LRRN1: variants seen among roughly 807,000 people sequenced by gnomAD.
LRRN1 encodes the protein leucine-rich repeat neuronal protein 1.
A neutral mutation model predicts 45.8 loss-of-function variants in LRRN1; 14 were observed. The ratio of observed to expected loss-of-function variants is 0.31; its 90% CI spans 0.20 to 0.48. The LOEUF (loss-of-function observed/expected upper bound fraction) is 0.48, where lower values mean the gene tolerates loss of function less well. Ranked by LOEUF, LRRN1 falls within the 20% of genes least tolerant of loss-of-function variation. The pLI, the probability that LRRN1 is intolerant of heterozygous loss-of-function variation, is 0.99. For synonymous variants in LRRN1, 359 were observed against 330.1 expected (o/e 1.09, Z -0.95); for missense variants, 789 against 874.2 (o/e 0.90, Z 1.23).
chr3:3,799,534 C>A lies in LRRN1; in HGVS notation c.-664C>A, dbSNP rs1257653320. The stretch of plus-strand genomic sequence containing the variant: ...GCGCCCGCCTGGCGGGGAGAGGGGC[C>A]GACGGCGTCAGCCCGGGCGGCGGCA... On this transcript the variant is annotated 5_prime_UTR_variant, in exon 1 of 2. Coordinates refer to ENST00000319331, the MANE Select transcript of LRRN1 (RefSeq NM_020873.7). 6.6e-6 allele frequency: 1 copy of A among 151,952 alleles called. No individual in the cohort carries two copies. Among genetic ancestry groups the A allele is most frequent in the East Asian group, 1.9e-4 (1 of 5,156 alleles). 9.4% of individuals were successfully genotyped at this position (151,952 alleles called of 1,614,324 possible).
In LRRN1 at chr3:3,826,475, G is replaced by C. The variant is rs573491240; in HGVS notation, c.-278-17889G>C. On this transcript the variant is annotated intron_variant, in intron 1 of 1. Coordinates refer to ENST00000319331, the MANE Select transcript of LRRN1 (RefSeq NM_020873.7). ...GGCGAACATCCTTGTTCTGTTGCCT[G>C]GCCTATTGAGATGTGTGGCCGCCCT... is the stretch of plus-strand genomic sequence containing the variant. Among the ~76,000 whole-genome samples, 49 of 152,214 alleles carry C rather than the reference G, an allele frequency of 3.2e-4. 2 individuals are homozygous for C. Among genetic ancestry groups the C allele is most frequent in the Admixed American group, 4.6e-4 (7 of 15,286 alleles).
rs147214946 is a variant in LRRN1, at chr3:3,844,045, T to TTG, written c.-278-304_-278-303dup. Among the ~76,000 whole-genome samples the TTG allele has an allele frequency of 5.2e-3, 783 of 151,200 alleles. 3 individuals are homozygous for TTG. The highest frequency in any genetic ancestry group is 9.5e-3 in the Non-Finnish European group (643 of 67,638). On this transcript the variant is annotated intron_variant, in intron 1 of 1. Transcript: ENST00000319331. ...ATTAAGTATGTATGAGTGTGTGCAT[T>TTG]TGTGTGTGTGTGTGTGCATGTTTAG...
intron 1 of LRRN1, among the ~76,000 whole-genome samples, chr3:3,818,464 C>T (rs529770076): frequency 6.6e-6 from 1 of 152,220 alleles, no homozygotes; most frequent in South Asian, 2.1e-4. Flanking sequence ...GTTAAATTGC[C>T]ACTTTCATGA....
intron 1 of LRRN1, among the ~76,000 whole-genome samples, chr3:3,802,638 C>T (rs920474042): frequency 6.6e-6 from 1 of 152,088 alleles, no homozygotes; most frequent in Admixed American, 6.6e-5. Flanking sequence ...TGAATTGAAT[C>T]AAATTTAAGT....
In LRRN1 at chr3:3,845,648, T is replaced by C. The variant is rs749158681; in HGVS notation, c.1007T>C (p.Val336Ala). ...ATCCACCGCTTGGCTTTCCGAAGTG[T>C]CCCTGCTCTGGAAAGCTTGATGCTG... ...SYIHRLAFRS[V>A]PALESLMLNN... Residue 336 changes from valine (V) to alanine (A), a missense_variant, in exon 2 of 2, where the codon GTC (valine) becomes GCC (alanine). Val to Ala is a moderately conservative substitution (Grantham distance 64). Coordinates refer to ENST00000319331, the MANE Select transcript of LRRN1 (RefSeq NM_020873.7). This position sits in a 1 kb window ranked among gnomAD's most constrained non-coding sequence, Gnocchi z 6.5. 1 of 1,614,034 alleles carries C rather than the reference T, an allele frequency of 6.2e-7. No individual in the cohort carries two copies. Among genetic ancestry groups the C allele is most frequent in the African/African-American group, 1.3e-5 (1 of 75,014 alleles).
chr3:3,842,011 A>G (rs1575302065), intron 1 of LRRN1, among the ~76,000 whole-genome samples: 1 of 152,282 alleles, frequency 6.6e-6, no homozygotes, highest in East Asian at 1.9e-4. Flanking sequence ...TATGTAGCCT[A>G]TATGATATAT....
At chr3:3,810,303 C>G (rs1309164467) in intron 1 of LRRN1, among the ~76,000 whole-genome samples, 1 of 152,058 alleles carries the variant, frequency 6.6e-6, no homozygotes, top group East Asian at 1.9e-4. Context: ...CAAACAAACC[C>G]AAAAGCTTCA....
intron 1 of LRRN1, among the ~76,000 whole-genome samples, chr3:3,812,164 G>A (rs538245234): frequency 6.6e-6 from 1 of 152,336 alleles, no homozygotes; most frequent in South Asian, 2.1e-4. Flanking sequence ...GAGCAAAACA[G>A]ATGATGTGTG....
chr3:3,813,806 C>G (rs1443074264), intron 1 of LRRN1, among the ~76,000 whole-genome samples: 2 of 152,016 alleles, frequency 1.3e-5, no homozygotes, highest in African/African-American at 2.4e-5. Context: ...GGAACGAAGC[C>G]CCTGCCTATT....
chr3:3,802,762 C>T (rs1268843549), intron 1 of LRRN1, among the ~76,000 whole-genome samples: 1 of 152,204 alleles, frequency 6.6e-6, no homozygotes, highest in South Asian at 2.1e-4. Flanking sequence ...TGATGTCTTC[C>T]TGATAGAGTT....
intron 1 of LRRN1, among the ~76,000 whole-genome samples, chr3:3,834,060 ACT>A (rs1203437390): frequency 6.6e-6 from 1 of 151,952 alleles, no homozygotes; most frequent in East Asian, 1.9e-4. Flanking sequence ...AGAAGACAAG[ACT>A]CTCACTCAGG....
intron 1 of LRRN1, among the ~76,000 whole-genome samples, chr3:3,830,026 G>A (rs1159822777): frequency 6.6e-6 from 1 of 152,210 alleles, no homozygotes; most frequent in Non-Finnish European, 1.5e-5. Flanking sequence ...TTGGTGAGCA[G>A]AAGTCCATGT....
At chr3:3,838,641 A>G (rs1414960105) in intron 1 of LRRN1, among the ~76,000 whole-genome samples, 2 of 152,174 alleles carry the variant, frequency 1.3e-5, no homozygotes, top group South Asian at 2.1e-4. Flanking sequence ...TACATTCTCT[A>G]CAACAGTGAA....
At position 3,833,614 on chromosome 3, in the gene LRRN1, T is replaced by A. The variant is rs533150542; in HGVS notation, c.-278-10750T>A. Among the ~76,000 whole-genome samples, 122 of 152,264 alleles carry A rather than the reference T, an allele frequency of 8.0e-4. 2 individuals carry two copies. The highest frequency in any genetic ancestry group is 6.8e-3 in the South Asian group (33 of 4,828). On this transcript the variant is annotated intron_variant, in intron 1 of 1. Transcript: ENST00000319331. The stretch of plus-strand genomic sequence containing the variant: ...TCCAGGGGCCCATCGGGATTTTAGT[T>A]ATAGGTCTAGAAGCAAACAGGGGTA...
intron 1 of LRRN1, among the ~76,000 whole-genome samples, chr3:3,826,278 A>G (rs1026307395): frequency 1.1e-4 from 16 of 152,178 alleles, no homozygotes; most frequent in African/African-American, 3.6e-4. Flanking sequence ...ATTGGAAGTA[A>G]AGTTTTCCAT....
intron 1 of LRRN1, among the ~76,000 whole-genome samples, chr3:3,832,922 C>A (rs1214576037): frequency 2.0e-5 from 3 of 152,192 alleles, no homozygotes; most frequent in Admixed American, 6.5e-5. Context: ...TCAGATTATT[C>A]TGATTGCTGC....
intron 1 of LRRN1, among the ~76,000 whole-genome samples, chr3:3,811,042 G>A (rs943458631): frequency 3.9e-5 from 6 of 152,242 alleles, no homozygotes; most frequent in Admixed American, 3.3e-4. Flanking sequence ...AGCTCTGGGG[G>A]AAAGCCAGTA....
chr3:3,823,222 G>A (rs1035886219), intron 1 of LRRN1, among the ~76,000 whole-genome samples: 1 of 152,132 alleles, frequency 6.6e-6, no homozygotes, highest in Non-Finnish European at 1.5e-5. Flanking sequence ...GGATGACTGT[G>A]TGTCCTGTGG....
At chr3:3,805,680 C>T (rs1028285798) in intron 1 of LRRN1, among the ~76,000 whole-genome samples, 6 of 152,306 alleles carry the variant, frequency 3.9e-5, no homozygotes, top group Admixed American at 2.6e-4. Context: ...GGTCCCTAAT[C>T]CCATAGCTAA....
Sources: allele counts gnomAD v4.1 joint callset (sites outside exome capture counted in the v4.1 genomes callset), GRCh38; gene constraint gnomAD v4.1.1; non-coding constraint Gnocchi (gnomAD v3.1); transcripts MANE v1.5; gene names NCBI Gene and HGNC (gene_info 2026-07-23, HGNC 2026-07-21).